CSMD1: variants seen among roughly 807,000 people sequenced by gnomAD.
CSMD1 encodes CUB and sushi domain-containing protein 1.
CSMD1 carries 213 observed loss-of-function variants against 417.5 expected under a neutral mutation model. The ratio of observed to expected loss-of-function variants is 0.51; its 90% confidence interval spans 0.46 to 0.57. The LOEUF (loss-of-function observed/expected upper bound fraction) is 0.57. Among genes scored for constraint, CSMD1 ranks in the 20% least tolerant of loss-of-function variants. The probability of loss-of-function intolerance (pLI) is 0.00; values close to 1 mark genes in which losing one functional copy is unlikely to be tolerated. For synonymous variants in CSMD1, 2,862 were observed against 1,736.8 expected (o/e 1.65, Z -16.11); for missense variants, 6,923 against 4,529.7 (o/e 1.53, Z -15.17).
chr8:3,606,910 C>T (rs1801646097), intron 8 of CSMD1, among the ~76,000 whole-genome samples: 2 of 152,064 alleles, frequency 1.3e-5, no homozygotes, highest in East Asian at 1.9e-4. Flanking sequence ...CAGGGTTTCA[C>T]CATGTTGGCC....
At chr8:3,341,971 C>G (rs1404939564) in intron 23 of CSMD1, among the ~76,000 whole-genome samples, 2 of 152,270 alleles carry the variant, frequency 1.3e-5, no homozygotes, top group East Asian at 3.9e-4. Flanking sequence ...AATGGTTTTA[C>G]AAGAGCTCTT....
At chr8:3,319,029 T>C (rs1181758549) in intron 23 of CSMD1, among the ~76,000 whole-genome samples, 1 of 152,174 alleles carries the variant, frequency 6.6e-6, no homozygotes, top group East Asian at 1.9e-4. Context: ...TATGGATCAC[T>C]CCCTTACACA....
chr8:3,702,333 G>A (rs1800916694), intron 7 of CSMD1: 1 of 152,032 alleles, frequency 6.6e-6, no homozygotes, highest in Non-Finnish European at 1.5e-5. Context: ...AACTTTACAT[G>A]TGGGGAAAAT....
At chr8:3,347,877 A>G in intron 22 of CSMD1, 115 bp downstream of exon 22, 2 of 629,940 alleles carry the variant, frequency 3.2e-6, no homozygotes, top group Non-Finnish European at 5.0e-6. Context: ...CAAATAAATC[A>G]TATATAAAAA....
intron 3 of CSMD1, among the ~76,000 whole-genome samples, chr8:4,168,306 G>T (rs114614193): frequency 6.6e-6 from 1 of 151,672 alleles, no homozygotes; most frequent in Non-Finnish European, 1.5e-5. Flanking sequence ...AGGCAGAAAG[G>T]GCTCCCTTGA....
intron 49 of CSMD1, among the ~76,000 whole-genome samples, chr8:3,085,846 G>A (rs1452054322): frequency 1.3e-5 from 2 of 152,124 alleles, no homozygotes; most frequent in Non-Finnish European, 2.9e-5. Flanking sequence ...GGCATCACCC[G>A]AATCCCTTTG....
chr8:3,009,660 C>T (rs1001615967), intron 52 of CSMD1, among the ~76,000 whole-genome samples: 33 of 151,844 alleles, frequency 2.2e-4, no homozygotes, highest in Non-Finnish European at 4.3e-4. Context: ...TTTTTTTTGC[C>T]TCCAAGTGCA....
intron 3 of CSMD1, among the ~76,000 whole-genome samples, chr8:4,044,038 C>A (rs1039772916): frequency 1.3e-5 from 2 of 151,874 alleles, no homozygotes; most frequent in Admixed American, 6.6e-5. Flanking sequence ...AAAAAAAACG[C>A]TGAATAATTA....
chr8:4,315,286 G>A (rs1798857130), intron 3 of CSMD1, among the ~76,000 whole-genome samples: 1 of 152,184 alleles, frequency 6.6e-6, no homozygotes, highest in Non-Finnish European at 1.5e-5. Context: ...GAGACAGTAT[G>A]CGAGGAGACC....
chr8:3,817,559 A>C (rs1801457832), intron 5 of CSMD1, among the ~76,000 whole-genome samples: 1 of 152,038 alleles, frequency 6.6e-6, no homozygotes, highest in Non-Finnish European at 1.5e-5. Flanking sequence ...GATTGCAGGC[A>C]TGAGCCACTG....
At chr8:4,381,767 G>GT (rs1287153952) in intron 3 of CSMD1, among the ~76,000 whole-genome samples, 5 of 151,956 alleles carry the variant, frequency 3.3e-5, no homozygotes, top group South Asian at 2.1e-4. Context: ...TTTTGTTTTT[G>GT]TTTTTTTCCT....
intron 4 of CSMD1, among the ~76,000 whole-genome samples, chr8:4,029,937 C>T (rs541056600): frequency 1.3e-5 from 2 of 152,150 alleles, no homozygotes; most frequent in African/African-American, 4.8e-5. Context: ...AGTATAGAAT[C>T]CAGTGGGGCA....
At chr8:3,853,965 T>C (rs1029294651) in intron 5 of CSMD1, among the ~76,000 whole-genome samples, 8 of 138,694 alleles carry the variant, frequency 5.8e-5, no homozygotes, top group African/African-American at 1.9e-4. Flanking sequence ...ATATTAAATA[T>C]ATCATGTCAA....
At chr8:3,860,364 A>T (rs1804614992) in intron 5 of CSMD1, among the ~76,000 whole-genome samples, 1 of 152,266 alleles carries the variant, frequency 6.6e-6, no homozygotes, top group African/African-American at 2.4e-5. Context: ...GTTCATTTTT[A>T]TTTTATGATA....
chr8:4,390,361 C>G lies in CSMD1; in HGVS notation c.415+29592G>C, dbSNP rs144527136. ...GAAATAACCATAATAATACCACATT[C>G]CAAGCCTGGGAGATCTAAAATGTTG... On this transcript the variant is annotated intron_variant, in intron 3 of 69. Transcript: ENST00000635120. Among the ~76,000 whole-genome samples, 570 of 152,140 alleles carry G rather than the reference C, an allele frequency of 3.7e-3. 4 individuals carry two copies. The highest frequency in any genetic ancestry group is 6.8e-3 in the Middle Eastern group (2 of 292).
intron 41 of CSMD1, among the ~76,000 whole-genome samples, chr8:3,135,295 G>A (rs927159775): frequency 2.6e-5 from 4 of 152,192 alleles, no homozygotes; most frequent in African/African-American, 9.7e-5. Flanking sequence ...AAAATCTCTT[G>A]CATACAAATA....
At chr8:3,094,128 CAG>C (rs371796271) in intron 47 of CSMD1, among the ~76,000 whole-genome samples, 181 of 150,434 alleles carry the variant, frequency 1.2e-3, no homozygotes, top group African/African-American at 4.2e-3. Flanking sequence ...TTTTTTGAGA[CAG>C]AGTTTTGCTC....
chr8:3,042,929 A>C (rs768925580), intron 50 of CSMD1, among the ~76,000 whole-genome samples: 1 of 151,972 alleles, frequency 6.6e-6, no homozygotes, highest in Non-Finnish European at 1.5e-5. Context: ...GGTGATATAT[A>C]TATAGTATAT....
intron 41 of CSMD1, among the ~76,000 whole-genome samples, chr8:3,139,909 T>C (rs1243300338): frequency 5.4e-5 from 8 of 149,022 alleles, no homozygotes; most frequent in South Asian, 2.1e-4. Context: ...TTCTTTCTTT[T>C]TTTTTTTTTT....
Sources: allele counts gnomAD v4.1 joint callset (sites outside exome capture counted in the v4.1 genomes callset), GRCh38; gene constraint gnomAD v4.1.1; transcripts MANE v1.5; gene names NCBI Gene and HGNC (gene_info 2026-07-23, HGNC 2026-07-21).